FOXP1: variants seen among roughly 807,000 people sequenced by gnomAD.
The protein encoded by FOXP1 is forkhead box protein P1.
FOXP1 carries 15 observed loss-of-function variants against 98.2 expected under a neutral mutation model. That is an observed-to-expected ratio of 0.15 (90% CI 0.10 to 0.24). FOXP1 has a LOEUF of 0.24. Ranked by LOEUF, FOXP1 falls within the 10% of genes least tolerant of loss-of-function variation. FOXP1 has a pLI of 1.00. For missense variants in FOXP1, 633 were observed against 848.5 expected (o/e 0.75, Z 3.15); for synonymous variants, 371 against 314.5 (o/e 1.18, Z -1.90).
At chr3:70,961,212 T>G (rs530996413) in intron 20 of FOXP1, among the ~76,000 whole-genome samples, 16 of 152,080 alleles carry the variant, frequency 1.1e-4, no homozygotes, top group Middle Eastern at 3.4e-3. Context: ...ATTTTATGTA[T>G]GGCTCTCCAG....
intron 3 of FOXP1, among the ~76,000 whole-genome samples, chr3:71,432,628 C>T (rs1325942759): frequency 6.6e-6 from 1 of 152,118 alleles, no homozygotes; most frequent in East Asian, 1.9e-4. Context: ...TTGGGCCTAA[C>T]ACCCTGGGCG....
rs1368838301 is a variant in FOXP1, at chr3:71,046,938, A to G, written c.664+4T>C. ...GCTATGCCTTCTGTAAAATCAACGC[A>G]TACCTTGAGCAAGAGGTTGAAGGGG... On this transcript the variant is annotated splice_donor_region_variant and intron_variant, in intron 10 of 20. Coordinates refer to ENST00000649528, the MANE Select transcript of FOXP1 (RefSeq NM_001349338.3). 1.9e-6 allele frequency: 3 copies of G among 1,614,000 alleles called. No homozygotes were observed. Among genetic ancestry groups the G allele is most frequent in the East Asian group, 4.5e-5 (2 of 44,884 alleles).
intron 4 of FOXP1, among the ~76,000 whole-genome samples, chr3:71,323,600 G>A (rs2107680036): frequency 6.6e-6 from 1 of 152,250 alleles, no homozygotes; most frequent in South Asian, 2.1e-4. Flanking sequence ...TTCAGTTTTA[G>A]ATGCATTGCC....
At chr3:71,563,490 G>A (rs746129900) in intron 2 of FOXP1, among the ~76,000 whole-genome samples, 61 of 152,172 alleles carry the variant, frequency 4.0e-4, no homozygotes, top group Non-Finnish European at 7.1e-4. Context: ...AAATCCTTCA[G>A]GACAAAGAAC....
chr3:71,313,289 G>C (rs1033505851), intron 4 of FOXP1, among the ~76,000 whole-genome samples: 5 of 151,716 alleles, frequency 3.3e-5, no homozygotes, highest in African/African-American at 1.2e-4. Flanking sequence ...TCGATCTCCT[G>C]ACCTCATGAT....
intron 14 of FOXP1, 73 bp downstream of exon 14, chr3:70,987,921 A>C (rs2040009782): frequency 3.6e-6 from 5 of 1,402,660 alleles, no homozygotes; most frequent in Non-Finnish European, 4.0e-6. Context: ...TCCTTCCTCC[A>C]TTTGGGGTGG....
At chr3:71,074,061 T>C (rs2053550027) in intron 7 of FOXP1, among the ~76,000 whole-genome samples, 1 of 152,138 alleles carries the variant, frequency 6.6e-6, no homozygotes, top group Non-Finnish European at 1.5e-5. Flanking sequence ...GAGGGAAGGC[T>C]TGGTGCCTGG....
chr3:71,167,841 C>T (rs2061463801), intron 6 of FOXP1, among the ~76,000 whole-genome samples: 1 of 152,138 alleles, frequency 6.6e-6, no homozygotes, highest in Admixed American at 6.5e-5. Flanking sequence ...TCGTGGTTTC[C>T]ATTTTATATT....
intron 6 of FOXP1, among the ~76,000 whole-genome samples, chr3:71,176,885 A>C (rs2061972699): frequency 6.6e-6 from 1 of 152,068 alleles, no homozygotes; most frequent in Non-Finnish European, 1.5e-5. Context: ...AACATCGTGA[A>C]ACCCCATCTC....
At chr3:71,566,506 A>G (rs2046923633) in intron 2 of FOXP1, among the ~76,000 whole-genome samples, 2 of 152,250 alleles carry the variant, frequency 1.3e-5, no homozygotes, top group Admixed American at 1.3e-4. Context: ...TATCATTTCC[A>G]GTCCCTGTAG....
At chr3:71,158,188 G>C (rs2060943347) in intron 6 of FOXP1, among the ~76,000 whole-genome samples, 1 of 147,864 alleles carries the variant, frequency 6.8e-6, no homozygotes. Flanking sequence ...AGGGAAGGAG[G>C]GAGGGAAAGA....
intron 2 of FOXP1, among the ~76,000 whole-genome samples, chr3:71,510,452 G>A (rs1032097615): frequency 2.6e-5 from 4 of 152,258 alleles, no homozygotes; most frequent in South Asian, 2.1e-4. Context: ...ACTCCAGCCT[G>A]GGCAACAGAG....
intron 11 of FOXP1, chr3:71,040,484 A>C (rs938299446): frequency 1.3e-5 from 2 of 152,178 alleles, no homozygotes; most frequent in Non-Finnish European, 2.9e-5. Flanking sequence ...TCTATTCTTG[A>C]AAAGCACTTC....
rs1016637117 is a variant in FOXP1 at position 70,956,506 on chromosome 3, T to C, written c.*2741A>G. On this transcript the variant is annotated 3_prime_UTR_variant, in exon 21 of 21. Transcript: ENST00000649528. ...AGTGAAATGTTTTTTTTTTAAATTT[T>C]AATCATTCCCTAAAGGTTTGAACTG... 8.7e-6 allele frequency: 2 copies of C among 231,010 alleles called. No individual in the cohort carries two copies. The highest frequency in any genetic ancestry group is 2.2e-5 in the African/African-American group (1 of 45,124). The allele number at this position is 231,010 out of a possible 1,614,324, so 14.3% of individuals were successfully genotyped here. A position where few individuals can be genotyped will look rare whatever the true frequency, so the allele number is the denominator to read the frequency against.
rs1311724756 is a variant in FOXP1 at position 71,396,916 on chromosome 3, GTGTATA to G, written c.-167-37678_-167-37673del. Among the ~76,000 whole-genome samples the G allele has an allele frequency of 2.6e-3, 234 of 89,372 alleles. 42 individuals are homozygous for G. The highest frequency in any genetic ancestry group is 0.011 in the African/African-American group (226 of 21,130). 58.6% of individuals were successfully genotyped at this position (89,372 alleles called of 152,430 possible). On this transcript the variant is annotated intron_variant, in intron 3 of 20. Transcript: ENST00000649528. ...TGAGTCATAAGGAACATATATATGTGTGTATATATATATATATACACATATATATAT... is the reference window on the plus strand; with the variant it reads ...TGAGTCATAAGGAACATATATATGTGTATATATATATACACATATATATAT...
chr3:71,398,053 C>A (rs1409236883), intron 3 of FOXP1, among the ~76,000 whole-genome samples: 1 of 152,152 alleles, frequency 6.6e-6, no homozygotes, highest in Non-Finnish European at 1.5e-5. Context: ...CAACCATTTT[C>A]TTTTTTTATC....
chr3:71,451,614 C>T (rs1376885447), intron 3 of FOXP1, among the ~76,000 whole-genome samples: 2 of 151,968 alleles, frequency 1.3e-5, no homozygotes, highest in Non-Finnish European at 2.9e-5. Flanking sequence ...ACAATTTAAC[C>T]TGATGAACAA....
intron 3 of FOXP1, among the ~76,000 whole-genome samples, chr3:71,455,230 TC>T (rs936692014): frequency 6.6e-6 from 1 of 151,148 alleles, no homozygotes; most frequent in Non-Finnish European, 1.5e-5. Context: ...CGAGCACACA[TC>T]CCCCCCGCCG....
At chr3:71,068,035 G>A (rs2052767784) in intron 7 of FOXP1, among the ~76,000 whole-genome samples, 1 of 151,544 alleles carries the variant, frequency 6.6e-6, no homozygotes, top group Admixed American at 6.6e-5. Context: ...CTGTGGTGGG[G>A]GGGAGGGGAT....
Sources: gnomAD v4.1 joint callset for allele counts (sites outside exome capture counted in the v4.1 genomes callset) on GRCh38, gnomAD v4.1.1 for gene constraint, MANE v1.5 for transcripts, NCBI Gene and HGNC (gene_info 2026-07-23, HGNC 2026-07-21) for gene names.